The following FOXJ3 variants were observed in gnomAD, a reference collection of about 807,000 sequenced individuals.
FOXJ3 encodes the protein forkhead box J3.
In FOXJ3, 22 loss-of-function variants were observed where a neutral mutation model predicts 76.1. The ratio of observed to expected loss-of-function variants is 0.29; its 90% CI spans 0.21 to 0.41. The LOEUF (loss-of-function observed/expected upper bound fraction) is 0.41, where lower values mean the gene tolerates loss of function less well. Among genes scored for constraint, FOXJ3 ranks in the 10% least tolerant of loss-of-function variants. The pLI is 1.00. For synonymous variants in FOXJ3, 269 were observed against 261.2 expected, an observed-to-expected ratio of 1.03 and a Z score of -0.29; for missense variants, 613 against 762.1, an observed-to-expected ratio of 0.80 and a Z score of 2.30.
intron 1 of FOXJ3, among the ~76,000 whole-genome samples, chr1:42,324,111 C>CAGTATATAT (rs1289178148): frequency 2.6e-3 from 72 of 27,510 alleles, no homozygotes; most frequent in South Asian, 0.011. Flanking sequence ...TGTGTATATA[C>CAGTATATAT]ACTGTATATA....
chr1:42,201,089 A>AAACTATCTGTGGCTAGT (rs140799143), intron 6 of FOXJ3, among the ~76,000 whole-genome samples: 125,270 of 152,006 alleles, frequency 0.82, 51,799 homozygotes, highest in Middle Eastern at 0.92. Flanking sequence ...TTTTATTTTC[A>AAACTATCTGTGGCTAGT]AGGCAGAAAT....
chr1:42,263,756 T>C (rs1031216739), intron 4 of FOXJ3, among the ~76,000 whole-genome samples: 10 of 152,080 alleles, frequency 6.6e-5, no homozygotes, highest in African/African-American at 2.4e-4. Flanking sequence ...GAGGATACAG[T>C]ATATTCATTC....
chr1:42,295,770 C>T (rs768715616), intron 2 of FOXJ3, among the ~76,000 whole-genome samples: 7 of 152,056 alleles, frequency 4.6e-5, no homozygotes, highest in African/African-American at 1.2e-4. Flanking sequence ...TCAGGTGATC[C>T]GCTGCCTTGG....
intron 4 of FOXJ3, among the ~76,000 whole-genome samples, chr1:42,234,903 T>C (rs1187420039): frequency 6.6e-6 from 1 of 152,200 alleles, no homozygotes; most frequent in African/African-American, 2.4e-5. Context: ...AGCTGCATGC[T>C]GGGAGAACCA....
At chr1:42,301,813 T>C (rs954159765) in intron 2 of FOXJ3, among the ~76,000 whole-genome samples, 1 of 152,202 alleles carries the variant, frequency 6.6e-6, no homozygotes, top group Non-Finnish European at 1.5e-5. Context: ...TTCAAAGATT[T>C]TAATTTTGGT....
intron 1 of FOXJ3, among the ~76,000 whole-genome samples, chr1:42,320,627 C>T (rs574472809): frequency 2.6e-5 from 4 of 151,960 alleles, no homozygotes; most frequent in African/African-American, 9.7e-5. Context: ...TAGAGGTATA[C>T]GATATTAGAT....
At chr1:42,207,024 T>C (rs1168429449) in intron 5 of FOXJ3, among the ~76,000 whole-genome samples, 1 of 151,998 alleles carries the variant, frequency 6.6e-6, no homozygotes, top group Admixed American at 6.6e-5. Context: ...AGAGACAGGG[T>C]TCACCATGTT....
intron 4 of FOXJ3, among the ~76,000 whole-genome samples, chr1:42,231,855 T>G (rs181929523): frequency 3.9e-5 from 6 of 152,114 alleles, no homozygotes; most frequent in African/African-American, 7.2e-5. Flanking sequence ...ACAACGTGCA[T>G]GTTACATATG....
At chr1:42,324,054 C>CTGTATATACACAGTGTATAGTATATAT (rs1557725618) in intron 1 of FOXJ3, among the ~76,000 whole-genome samples, 1 of 112,748 alleles carries the variant, frequency 8.9e-6, no homozygotes, top group Non-Finnish European at 1.8e-5. Flanking sequence ...ATAGTATATA[C>CTGTATATACACAGTGTATAGTATATAT]ACTGTATATA....
intron 9 of FOXJ3, chr1:42,189,732 CA>C (rs1646506495): frequency 4.2e-6 from 1 of 239,294 alleles, no homozygotes; most frequent in African/African-American, 2.3e-5. Context: ...CTAGTAATAT[CA>C]AACTTGATAC....
At chr1:42,212,927 A>AT in intron 5 of FOXJ3, among the ~76,000 whole-genome samples, 1 of 149,910 alleles carries the variant, frequency 6.7e-6, no homozygotes, top group East Asian at 2.0e-4. Context: ...CCTTAACATA[A>AT]TAACTGTCAG....
chr1:42,259,239 G>A (rs1570082313), intron 4 of FOXJ3, among the ~76,000 whole-genome samples: 1 of 152,086 alleles, frequency 6.6e-6, no homozygotes, highest in South Asian at 2.1e-4. Context: ...GCAAAGGCCT[G>A]GGGATGAGGG....
chr1:42,272,693 T>C (rs1006158111), intron 3 of FOXJ3, among the ~76,000 whole-genome samples: 2 of 152,198 alleles, frequency 1.3e-5, no homozygotes, highest in African/African-American at 4.8e-5. Context: ...GGGCTGGCTA[T>C]CGGCAAGGAG....
chr1:42,309,531 C>T (rs1012342946), intron 2 of FOXJ3, among the ~76,000 whole-genome samples: 2 of 152,188 alleles, frequency 1.3e-5, no homozygotes, highest in South Asian at 2.1e-4. Context: ...TATCATATCA[C>T]TAACAAATAC....
At chr1:42,262,473 T>C (rs890115681) in intron 4 of FOXJ3, among the ~76,000 whole-genome samples, 5 of 152,208 alleles carry the variant, frequency 3.3e-5, no homozygotes, top group African/African-American at 1.2e-4. Context: ...AAAATAAAAA[T>C]GACTTTATTC....
chr1:42,290,818 A>C (rs1290077441), intron 2 of FOXJ3, among the ~76,000 whole-genome samples: 1 of 152,058 alleles, frequency 6.6e-6, no homozygotes, highest in South Asian at 2.1e-4. Flanking sequence ...CTATCTTTTA[A>C]ATTTTTATTT....
intron 4 of FOXJ3, among the ~76,000 whole-genome samples, chr1:42,246,631 TAAA>T (rs758386607): frequency 7.3e-6 from 1 of 136,838 alleles, no homozygotes. Context: ...TGTTGCTTTC[TAAA>T]AAAAAAAAAA....
intron 1 of FOXJ3, chr1:42,323,793 G>A (rs1655570787): frequency 1.8e-6 from 1 of 547,304 alleles, no homozygotes; most frequent in Non-Finnish European, 2.3e-6. Context: ...TGTGAAAGAA[G>A]GCAGACTAGG....
intron 4 of FOXJ3, among the ~76,000 whole-genome samples, chr1:42,237,960 A>G (rs563614763): frequency 6.6e-6 from 1 of 152,140 alleles, no homozygotes; most frequent in Admixed American, 6.6e-5. Context: ...ACACACACAC[A>G]TATATATATG....
Sources: gnomAD v4.1 joint callset for allele counts (sites outside exome capture counted in the v4.1 genomes callset) on GRCh38, gnomAD v4.1.1 for gene constraint, MANE v1.5 for transcripts, NCBI Gene and HGNC (gene_info 2026-07-23, HGNC 2026-07-21) for gene names.